BCAS3: variants seen among roughly 807,000 people sequenced by gnomAD.
BCAS3 encodes BCAS3 microtubule associated cell migration factor.
Under a neutral mutation model 116.1 loss-of-function variants are expected in BCAS3, and 53 were observed. The observed-to-expected ratio is 0.46, with a 90% confidence interval of 0.37 to 0.57. The LOEUF is 0.57. Among genes scored for constraint, BCAS3 ranks in the 20% least tolerant of loss-of-function variants. BCAS3 has a pLI of 0.00. For missense variants in BCAS3, 917 were observed against 1,165.4 expected (o/e 0.79, Z 3.10); for synonymous variants, 391 against 408.2 (o/e 0.96, Z 0.51).
intron 22 of BCAS3, among the ~76,000 whole-genome samples, chr17:61,114,305 G>C (rs980095925): frequency 6.9e-6 from 1 of 145,644 alleles, no homozygotes; most frequent in Non-Finnish European, 1.5e-5. Flanking sequence ...AATTGTCCGT[G>C]TTTGCAGATG....
intron 22 of BCAS3, among the ~76,000 whole-genome samples, chr17:61,317,274 G>C (rs922157290): frequency 6.6e-6 from 1 of 152,174 alleles, no homozygotes; most frequent in African/African-American, 2.4e-5. Context: ...AAAGGCCAGA[G>C]AGAGGGGACT....
At chr17:60,928,787 G>T (rs865914528) in intron 13 of BCAS3, among the ~76,000 whole-genome samples, 1 of 152,144 alleles carries the variant, frequency 6.6e-6, no homozygotes, top group Non-Finnish European at 1.5e-5. Flanking sequence ...AGTAATTGGG[G>T]TTAGCCATGG....
chr17:61,247,179 T>C (rs1338065543), intron 22 of BCAS3, among the ~76,000 whole-genome samples: 1 of 152,214 alleles, frequency 6.6e-6, no homozygotes, highest in East Asian at 1.9e-4. Flanking sequence ...TATTTAACTT[T>C]GACGATAGCA....
In BCAS3 at chr17:60,794,759, C is replaced by A. The variant is rs2144557716; in HGVS notation, c.404-13245C>A. 1.3e-5 allele frequency among the ~76,000 whole-genome samples: 2 copies of A among 152,220 alleles called. 1 individual carries two copies. The highest frequency in any genetic ancestry group is 4.2e-4 in the South Asian group (2 of 4,818). ...GGGTTCTCTACTCTGTTCCATTGGT[C>A]TATGTACCTATTTTTATAAAGTACC... On this transcript the variant is annotated intron_variant, in intron 6 of 23. Transcript: ENST00000407086.
At chr17:60,793,459 T>G (rs2046949130) in intron 6 of BCAS3, among the ~76,000 whole-genome samples, 1 of 152,072 alleles carries the variant, frequency 6.6e-6, no homozygotes, top group African/African-American at 2.4e-5. Flanking sequence ...GTTACATGAG[T>G]AAGTTCTTTG....
In BCAS3 at chr17:60,766,746, G is replaced by A. The variant is rs547133863; in HGVS notation, c.403+19467G>A. Among the ~76,000 whole-genome samples the A allele has an allele frequency of 7.2e-5, 11 of 152,316 alleles. No homozygotes were observed. The East Asian group carries it at 1.2e-3, about 16-fold the overall frequency. On this transcript the variant is annotated intron_variant, in intron 6 of 23. Transcript: ENST00000407086. Reference sequence around the variant, plus strand: ...CTCTTGAGAGCTGTCGGGCAGGGACGTTTAAGTCTGCAGAAGTTTCTGCTG... The same window carrying A: ...CTCTTGAGAGCTGTCGGGCAGGGACATTTAAGTCTGCAGAAGTTTCTGCTG...
At position 60,994,203 on chromosome 17, in the gene BCAS3, T is replaced by A. The variant is rs1367921894; in HGVS notation, c.1486+3968T>A. ...ATATATCTTGAAGTATCTTGCATTA[T>A]TGAATATATTTTAAAATATTGTTTT... On this transcript the variant is annotated intron_variant, in intron 15 of 23. Coordinates refer to ENST00000407086, the MANE Select transcript of BCAS3 (RefSeq NM_017679.5). This position sits in a 1 kb window ranked among gnomAD's most constrained non-coding sequence, Gnocchi z 4.4. Among the ~76,000 whole-genome samples, 1 of 152,072 alleles carries A rather than the reference T, an allele frequency of 6.6e-6. No homozygotes were observed. Among genetic ancestry groups the A allele is most frequent in the East Asian group, 1.9e-4 (1 of 5,206 alleles).
At chr17:60,689,942 C>T (rs965139972) in intron 4 of BCAS3, among the ~76,000 whole-genome samples, 181 bp downstream of exon 4, 3 of 152,046 alleles carry the variant, frequency 2.0e-5, no homozygotes, top group African/African-American at 4.8e-5. Context: ...TGTAATAAGC[C>T]TTAAAGTAAC....
rs1334585103 is a variant in BCAS3, at chr17:61,300,043, GT to G, written c.2426-68280del. On this transcript the variant is annotated intron_variant, in intron 22 of 23. Coordinates refer to ENST00000407086, the MANE Select transcript of BCAS3 (RefSeq NM_017679.5). The surrounding 1 kb of genome is among the most constrained non-coding windows in gnomAD (Gnocchi z 5.1). ...CAGATGATCTCCCTTGATTCTGACA[GT>G]TTTGACAAATCAGTTTATTAAAATT... 6.6e-6 allele frequency among the ~76,000 whole-genome samples: 1 copy of G among 152,178 alleles called. No homozygotes were observed. The highest frequency in any genetic ancestry group is 2.4e-5 in the African/African-American group (1 of 41,448).
At position 61,084,788 on chromosome 17, in the gene BCAS3, A is replaced by G. The variant is rs1012654849; in HGVS notation, c.2425+224A>G. ...AATGATGCAGTGGAGTTGGCACTTG[A>G]TTAAATGTAATGAACATAGTATTGA... is the stretch of plus-strand genomic sequence containing the variant. On this transcript the variant is annotated intron_variant, in intron 22 of 23. Transcript: ENST00000407086. This position sits in a 1 kb window ranked among gnomAD's most constrained non-coding sequence, Gnocchi z 5.5. Among the ~76,000 whole-genome samples the G allele has an allele frequency of 6.6e-6, 1 of 152,204 alleles. No homozygotes were observed. The highest frequency in any genetic ancestry group is 1.5e-5 in the Non-Finnish European group (1 of 68,024).
chr17:61,079,355 CTTT>C (rs1389712122), intron 21 of BCAS3, among the ~76,000 whole-genome samples: 1 of 152,034 alleles, frequency 6.6e-6, no homozygotes, highest in Non-Finnish European at 1.5e-5. Context: ...TTTTTGTCTT[CTTT>C]GTCAGTAACA....
At chr17:60,888,733 C>T (rs2056922344) in intron 9 of BCAS3, among the ~76,000 whole-genome samples, 1 of 152,160 alleles carries the variant, frequency 6.6e-6, no homozygotes, top group African/African-American at 2.4e-5. Flanking sequence ...CAAACAGTAG[C>T]ATGAATGAAC....
rs1177278922 is a variant in BCAS3 at position 61,106,854 on chromosome 17, T to G, written c.2425+22290T>G. ...CCATACTAATTTAGAATAAATAAATTCCTATATATAAATCTTTGTTGTTAT... is the reference window on the plus strand; with the variant it reads ...CCATACTAATTTAGAATAAATAAATGCCTATATATAAATCTTTGTTGTTAT... On this transcript the variant is annotated intron_variant, in intron 22 of 23. Coordinates refer to ENST00000407086, the MANE Select transcript of BCAS3 (RefSeq NM_017679.5). This position sits in a 1 kb window ranked among gnomAD's most constrained non-coding sequence, Gnocchi z 4.2. Among the ~76,000 whole-genome samples the G allele has an allele frequency of 6.6e-6, 1 of 152,160 alleles. No individual in the cohort carries two copies. Among genetic ancestry groups the G allele is most frequent in the Non-Finnish European group, 1.5e-5 (1 of 68,028 alleles).
chr17:61,201,444 A>G (rs1326895110), intron 22 of BCAS3, among the ~76,000 whole-genome samples: 1 of 152,258 alleles, frequency 6.6e-6, no homozygotes, highest in African/African-American at 2.4e-5. Context: ...AGCTGGGAAC[A>G]TGAGCTGTGA....
intron 7 of BCAS3, among the ~76,000 whole-genome samples, chr17:60,809,270 CAAA>C (rs539614540): frequency 5.4e-5 from 4 of 73,914 alleles, no homozygotes; most frequent in African/African-American, 8.9e-5. Context: ...GACTCTGTCT[CAAA>C]AAAAAAAAAA....
intron 22 of BCAS3, among the ~76,000 whole-genome samples, chr17:61,255,719 C>G (rs2048725250): frequency 6.6e-6 from 1 of 152,236 alleles, no homozygotes; most frequent in Non-Finnish European, 1.5e-5. Flanking sequence ...CATTTGACCA[C>G]ACTGTGCAGG....
intron 13 of BCAS3, among the ~76,000 whole-genome samples, chr17:60,933,560 T>C (rs2059772078): frequency 6.6e-6 from 1 of 152,224 alleles, no homozygotes; most frequent in South Asian, 2.1e-4. Context: ...TTAGCAGACT[T>C]GAAATTCTTC....
Position 61,344,007 on chromosome 17 carries a change from G to T in BCAS3, c.2426-24320G>T, listed in dbSNP as rs1316832549. Among the ~76,000 whole-genome samples, 2 of 152,168 alleles carry T rather than the reference G, an allele frequency of 1.3e-5. No homozygotes were observed. The highest frequency in any genetic ancestry group is 2.9e-5 in the Non-Finnish European group (2 of 68,030). ...GGTAGAGTTGGCCAGATGAAATGTG[G>T]TTGGCAAGAAGGTCCTGAGTGTGCT... On this transcript the variant is annotated intron_variant, in intron 22 of 23. Coordinates refer to ENST00000407086, the MANE Select transcript of BCAS3 (RefSeq NM_017679.5). This position sits in a 1 kb window ranked among gnomAD's most constrained non-coding sequence, Gnocchi z 4.1.
rs2063444298 is a variant in BCAS3 at position 60,990,321 on chromosome 17, T to G, written c.1486+86T>G. On this transcript the variant is annotated intron_variant, in intron 15 of 23. Transcript: ENST00000407086. This position sits in a 1 kb window ranked among gnomAD's most constrained non-coding sequence, Gnocchi z 5.1. ...AGATCTGGGATAAAACTAAACTTGT[T>G]ATAGTCTGTTCATGTAAAAAGAAGA... The G allele has an allele frequency of 7.2e-7, 1 of 1,397,846 alleles. No homozygotes were observed. The highest frequency in any genetic ancestry group is 9.8e-7 in the Non-Finnish European group (1 of 1,020,068). The allele number at this position is 1,397,846 out of a possible 1,614,324, so 86.6% of individuals were successfully genotyped here.
Sources: gnomAD v4.1 joint callset for allele counts (sites outside exome capture counted in the v4.1 genomes callset) on GRCh38, gnomAD v4.1.1 for gene constraint, Gnocchi (gnomAD v3.1) non-coding constraint, MANE v1.5 for transcripts, NCBI Gene and HGNC (gene_info 2026-07-23, HGNC 2026-07-21) for gene names.